The following ZNF143 variants were observed in gnomAD, a reference collection of about 807,000 sequenced individuals.
ZNF143 encodes the protein SPH-binding factor.
In ZNF143, 49 loss-of-function variants were observed where a neutral mutation model predicts 74.1. That is an observed-to-expected ratio of 0.66 (90% CI 0.53 to 0.84). The LOEUF (loss-of-function observed/expected upper bound fraction) is 0.84. Ranked by LOEUF, ZNF143 falls within the 40% of genes least tolerant of loss-of-function variation. The pLI is 0.00. For synonymous variants in ZNF143, 304 were observed against 282.8 expected (o/e 1.07, Z -0.75); for missense variants, 637 against 793.4 (o/e 0.80, Z 2.37).
intron 1 of ZNF143, among the ~76,000 whole-genome samples, chr11:9,467,506 G>C (rs1028159919): frequency 1.3e-5 from 2 of 151,996 alleles, no homozygotes; most frequent in Non-Finnish European, 2.9e-5. Context: ...AAAGTGCTGG[G>C]ATTATAGGTG....
At position 9,516,973 on chromosome 11, in the gene ZNF143, C is replaced by T. The variant is rs757372049; in HGVS notation, c.1686+611C>T. On this transcript the variant is annotated intron_variant, in intron 14 of 15. Transcript: ENST00000396602. ...GTTTTTGAGACAGGCTGGAGTGCAG[C>T]GGCACGTCATGGCTCACTGCAGCCT... Among the ~76,000 whole-genome samples, 46 of 152,148 alleles carry T rather than the reference C, an allele frequency of 3.0e-4. 1 individual carries two copies. Among genetic ancestry groups the T allele is most frequent in the South Asian group, 1.0e-3 (5 of 4,832 alleles).
intron 14 of ZNF143, among the ~76,000 whole-genome samples, chr11:9,524,392 T>G (rs890477533): frequency 1.3e-5 from 2 of 152,228 alleles, no homozygotes; most frequent in Non-Finnish European, 2.9e-5. Flanking sequence ...TAGCCCAATA[T>G]AAGCTACTTA....
chr11:9,517,065 C>T (rs1449442916), intron 14 of ZNF143, among the ~76,000 whole-genome samples: 1 of 152,178 alleles, frequency 6.6e-6, no homozygotes, highest in Non-Finnish European at 1.5e-5. Context: ...CAGGTGTGCA[C>T]CACCATGCCT....
At chr11:9,522,065 CAA>C (rs34484384) in intron 14 of ZNF143, among the ~76,000 whole-genome samples, 21 of 97,532 alleles carry the variant, frequency 2.2e-4, no homozygotes, top group Admixed American at 3.2e-4. Flanking sequence ...GACCCTGTCT[CAA>C]AAAAAAAAAA....
chr11:9,516,995 G>A (rs1339821075), intron 14 of ZNF143, among the ~76,000 whole-genome samples: 2 of 152,164 alleles, frequency 1.3e-5, no homozygotes, highest in African/African-American at 2.4e-5. Flanking sequence ...GCTCACTGCA[G>A]CCTCAACCTC....
At chr11:9,493,259 A>T (rs1032852298) in intron 7 of ZNF143, among the ~76,000 whole-genome samples, 1 of 151,842 alleles carries the variant, frequency 6.6e-6, no homozygotes, top group Non-Finnish European at 1.5e-5. Context: ...TTTAGTAGAG[A>T]TGAGGTTTCA....
At chr11:9,468,749 G>A (rs1856393069) in intron 1 of ZNF143, among the ~76,000 whole-genome samples, 1 of 152,198 alleles carries the variant, frequency 6.6e-6, no homozygotes, top group South Asian at 2.1e-4. Context: ...GGAGGCTGAG[G>A]CAGGAGGATC....
chr11:9,482,096 G>A (rs1359995020), intron 7 of ZNF143, among the ~76,000 whole-genome samples: 3 of 142,922 alleles, frequency 2.1e-5, no homozygotes, highest in South Asian at 4.6e-4. Context: ...TCAGCCTCCC[G>A]AGTAGCTGGG....
chr11:9,478,345 C>A (rs1847100141), intron 5 of ZNF143, 45 bp from the exon 6 acceptor site: 3 of 1,576,204 alleles, frequency 1.9e-6, no homozygotes, highest in South Asian at 2.2e-5. Flanking sequence ...AAATATTTGT[C>A]AGATTTTACC....
At chr11:9,468,033 G>A (rs2133837425) in intron 1 of ZNF143, among the ~76,000 whole-genome samples, 1 of 152,178 alleles carries the variant, frequency 6.6e-6, no homozygotes, top group South Asian at 2.1e-4. Flanking sequence ...GAAATAACAT[G>A]CTTTTTAACA....
Position 9,501,152 on chromosome 11 carries a change from C to T in ZNF143, c.1029C>T (p.Ile343=), listed in dbSNP as rs1848143789. Residue 343 remains isoleucine, a synonymous_variant, in exon 11 of 16, where the codon ATC becomes ATT. Coordinates refer to ENST00000396602, the MANE Select transcript of ZNF143 (RefSeq NM_003442.6). ...GCGRSFTTSN[I]RKVHVRTHTG... is the part of the protein sequence containing the mutation. Reference sequence around the variant, plus strand: ...GTCGGTCCTTTACAACATCAAATATCAGAAAAGTGCACGTTAGGACACACA... The same window carrying T: ...GTCGGTCCTTTACAACATCAAATATTAGAAAAGTGCACGTTAGGACACACA... 2.5e-6 allele frequency: 4 copies of T among 1,614,026 alleles called. No individual in the cohort carries two copies. The highest frequency in any genetic ancestry group is 1.7e-5 in the Admixed American group (1 of 59,988).
chr11:9,471,233 A>G, intron 1 of ZNF143, 69 bp from the exon 2 acceptor site: 1 of 1,325,290 alleles, frequency 7.5e-7, no homozygotes, highest in Non-Finnish European at 1.0e-6. Context: ...GTGGTTCATA[A>G]ATATTCTTTG....
At chr11:9,490,926 TC>T (rs1238301689) in intron 7 of ZNF143, among the ~76,000 whole-genome samples, 1 of 152,042 alleles carries the variant, frequency 6.6e-6, no homozygotes, top group Non-Finnish European at 1.5e-5. Flanking sequence ...GAGATGGGGT[TC>T]CCCCCATGTT....
At chr11:9,476,748 T>A (rs1856921921) in intron 5 of ZNF143, among the ~76,000 whole-genome samples, 1 of 31,106 alleles carries the variant, frequency 3.2e-5, no homozygotes, top group Non-Finnish European at 6.5e-5. Context: ...GGAGGAATCT[T>A]TTTTTTTTTT....
At chr11:9,500,178 C>A (rs1848107384) in intron 10 of ZNF143, among the ~76,000 whole-genome samples, 3 of 151,928 alleles carry the variant, frequency 2.0e-5, no homozygotes, top group Non-Finnish European at 4.4e-5. Flanking sequence ...AACTCCTGAG[C>A]TCAAGTGATC....
chr11:9,507,312 A>G (rs1848400236), intron 11 of ZNF143, among the ~76,000 whole-genome samples: 1 of 152,046 alleles, frequency 6.6e-6, no homozygotes, highest in Non-Finnish European at 1.5e-5. Context: ...CTCCAATTCC[A>G]TTTCACCACA....
chr11:9,486,439 A>ATATATATAAT (rs1343381933), intron 7 of ZNF143, among the ~76,000 whole-genome samples: 22 of 23,128 alleles, frequency 9.5e-4, no homozygotes, highest in Non-Finnish European at 1.6e-3. Context: ...TTATATATAT[A>ATATATATAAT]ATATATTATA....
chr11:9,520,777 A>T (rs1284719510), intron 14 of ZNF143, among the ~76,000 whole-genome samples: 1 of 152,076 alleles, frequency 6.6e-6, no homozygotes, highest in Non-Finnish European at 1.5e-5. Context: ...TGACAGCGAG[A>T]CTCCGTCTCA....
intron 1 of ZNF143, among the ~76,000 whole-genome samples, chr11:9,462,287 C>T (rs1165639103): frequency 4.0e-5 from 6 of 151,006 alleles, no homozygotes; most frequent in Non-Finnish European, 8.8e-5. Context: ...TACAGATGCC[C>T]GCCTTTATTT....
Sources: gnomAD v4.1 joint callset for allele counts (sites outside exome capture counted in the v4.1 genomes callset) on GRCh38, gnomAD v4.1.1 for gene constraint, MANE v1.5 for transcripts, NCBI Gene and HGNC (gene_info 2026-07-23, HGNC 2026-07-21) for gene names.